Variants in DYNC1LI1 observed in about 807,000 individuals in gnomAD.
DYNC1LI1 encodes cytoplasmic dynein 1 light intermediate chain 1.
Under a neutral mutation model 63.8 loss-of-function variants are expected in DYNC1LI1, and 19 were observed. That is an observed-to-expected ratio of 0.30 (90% confidence interval 0.21 to 0.44). DYNC1LI1 has a LOEUF of 0.44. DYNC1LI1 is among the 20% of genes least tolerant of loss of function. DYNC1LI1 has a pLI of 1.00. For missense variants in DYNC1LI1, 565 were observed against 630.2 expected, an observed-to-expected ratio of 0.90 and a Z score of 1.11; for synonymous variants, 225 against 232.3, an observed-to-expected ratio of 0.97 and a Z score of 0.28.
intron 2 of DYNC1LI1, among the ~76,000 whole-genome samples, chr3:32,555,182 A>C (rs1428650093): frequency 6.6e-6 from 1 of 152,196 alleles, no homozygotes; most frequent in African/African-American, 2.4e-5. Context: ...GTAATTGAAA[A>C]TTGAACATTC....
chr3:32,549,009 T>C (rs918824175), intron 2 of DYNC1LI1, among the ~76,000 whole-genome samples: 2 of 152,216 alleles, frequency 1.3e-5, no homozygotes, highest in South Asian at 2.1e-4. Flanking sequence ...ATAATGATCA[T>C]GTTTAAAATG....
chr3:32,533,047 A>G lies in DYNC1LI1; in HGVS notation c.1019T>C (p.Phe340Ser). Residue 340 changes from phenylalanine to serine, a missense_variant, in exon 8 of 13, where the codon TTT becomes TCT. Physicochemically the swap from Phe to Ser is radical, Grantham distance 155. Transcript: ENST00000273130. ...DKKIGILHENFQTLKAEDNFE... is the reference protein window; with the variant it reads ...DKKIGILHENSQTLKAEDNFE... ...ATTATCTTCTGCTTTTAATGTTTGAAAATTTTCATGTAATATTCCTATTTT... is the reference window on the plus strand; with the variant it reads ...ATTATCTTCTGCTTTTAATGTTTGAGAATTTTCATGTAATATTCCTATTTT... 6.2e-7 allele frequency: 1 copy of G among 1,604,584 alleles called. No homozygotes were observed. The highest frequency in any genetic ancestry group is 8.5e-7 in the Non-Finnish European group (1 of 1,177,994).
At chr3:32,563,219 C>G (rs1462690664) in intron 2 of DYNC1LI1, among the ~76,000 whole-genome samples, 1 of 151,020 alleles carries the variant, frequency 6.6e-6, no homozygotes, top group African/African-American at 2.4e-5. Flanking sequence ...TGGGGTCTTT[C>G]TAATAGCCAC....
chr3:32,569,662 A>C (rs1223773506), intron 2 of DYNC1LI1, among the ~76,000 whole-genome samples: 1 of 152,106 alleles, frequency 6.6e-6, no homozygotes, highest in Non-Finnish European at 1.5e-5. Context: ...CCCCACCCCC[A>C]GAGTCACTAA....
At chr3:32,537,872 CAT>C (rs72436673) in intron 5 of DYNC1LI1, among the ~76,000 whole-genome samples, 2,146 of 86,824 alleles carry the variant, frequency 0.025, 220 homozygotes, top group African/African-American at 0.078. Flanking sequence ...TTTTTTGTTA[CAT>C]ATATATATAT....
chr3:32,569,979 G>A (rs771571536), intron 2 of DYNC1LI1, among the ~76,000 whole-genome samples: 2 of 152,222 alleles, frequency 1.3e-5, no homozygotes, highest in African/African-American at 4.8e-5. Flanking sequence ...TGCAGCTCTC[G>A]CAAAGAGCCT....
chr3:32,550,261 G>A (rs911125563), intron 2 of DYNC1LI1, among the ~76,000 whole-genome samples: 3 of 152,032 alleles, frequency 2.0e-5, no homozygotes, highest in African/African-American at 7.3e-5. Context: ...GAGAAACCCC[G>A]TCTCTACTAA....
At chr3:32,538,845 C>T (rs574497245) in intron 5 of DYNC1LI1, among the ~76,000 whole-genome samples, 54 of 152,228 alleles carry the variant, frequency 3.5e-4, no homozygotes, top group African/African-American at 1.3e-3. Context: ...ATACTTCTCT[C>T]CCTTTGGAAA....
At chr3:32,559,990 C>A (rs960215264) in intron 2 of DYNC1LI1, among the ~76,000 whole-genome samples, 1 of 152,142 alleles carries the variant, frequency 6.6e-6, no homozygotes, top group Non-Finnish European at 1.5e-5. Context: ...CTTCCTCCCT[C>A]ACATTGGTAG....
Position 32,526,603 on chromosome 3 carries a change from T to TA in DYNC1LI1, c.*195dup. 2.2e-6 allele frequency: 1 copy of TA among 447,926 alleles called. No individual in the cohort carries two copies. Among genetic ancestry groups the TA allele is most frequent in the Non-Finnish European group, 4.1e-6 (1 of 246,392 alleles). 27.7% of individuals were successfully genotyped at this position (447,926 alleles called of 1,614,324 possible). A position where few individuals can be genotyped will look rare whatever the true frequency, so the allele number is the denominator to read the frequency against. On this transcript the variant is annotated 3_prime_UTR_variant, in exon 13 of 13. Coordinates refer to ENST00000273130, the MANE Select transcript of DYNC1LI1 (RefSeq NM_016141.4). The stretch of plus-strand genomic sequence containing the variant: ...TGGCAATGCAAACAGCAATCCTACA[T>TA]AATGTAGAATAATTTTTCTTCTGTA...
intron 2 of DYNC1LI1, among the ~76,000 whole-genome samples, chr3:32,548,751 T>C (rs1697993121): frequency 6.6e-6 from 1 of 152,156 alleles, no homozygotes. Context: ...TTAAGTGTTC[T>C]CACAACAATG....
At chr3:32,537,926 A>AATTT (rs1697801818) in intron 5 of DYNC1LI1, among the ~76,000 whole-genome samples, 3 of 24,854 alleles carry the variant, frequency 1.2e-4, no homozygotes, top group African/African-American at 5.6e-4. Context: ...TTATATATAT[A>AATTT]ATATATATAT....
chr3:32,530,183 A>G, intron 10 of DYNC1LI1, 101 bp downstream of exon 10: 1 of 956,838 alleles, frequency 1.0e-6, no homozygotes, highest in East Asian at 2.7e-5. Flanking sequence ...TCAAGTTTAT[A>G]TCAAAGCACA....
At chr3:32,560,422 G>C (rs1001418978) in intron 2 of DYNC1LI1, among the ~76,000 whole-genome samples, 2 of 151,952 alleles carry the variant, frequency 1.3e-5, no homozygotes, top group African/African-American at 4.8e-5. Flanking sequence ...AACACAGTAA[G>C]ACTCTGTCTC....
rs575920824 is a variant in DYNC1LI1, at chr3:32,540,383, A to G, written c.738+654T>C. On this transcript the variant is annotated intron_variant, in intron 5 of 12. Coordinates refer to ENST00000273130, the MANE Select transcript of DYNC1LI1 (RefSeq NM_016141.4). ...ATCCTCTGATATTAGAGAATATATA[A>G]AAATTTAATGTTGAGGCTGGGCACA... 4.6e-5 allele frequency among the ~76,000 whole-genome samples: 7 copies of G among 152,166 alleles called. No homozygotes were observed. The South Asian group carries it at 1.5e-3, about 32-fold the overall frequency.
At chr3:32,559,415 TTTTTTGTAG>T (rs1242954957) in intron 2 of DYNC1LI1, among the ~76,000 whole-genome samples, 1 of 152,118 alleles carries the variant, frequency 6.6e-6, no homozygotes, top group Admixed American at 6.6e-5. Flanking sequence ...GATTTTTGTA[TTTTTTGTAG>T]AGCAAGATTT....
chr3:32,548,130 T>C (rs1697982701), intron 2 of DYNC1LI1, among the ~76,000 whole-genome samples: 1 of 151,952 alleles, frequency 6.6e-6, no homozygotes, highest in Admixed American at 6.6e-5. Context: ...TTATGTTAAA[T>C]CAGGGGTCCC....
intron 6 of DYNC1LI1, 61 bp from the exon 7 acceptor site, chr3:32,534,707 CTG>C (rs1697751732): frequency 3.0e-6 from 4 of 1,344,802 alleles, no homozygotes; most frequent in South Asian, 3.5e-5. Context: ...CCATAAAATT[CTG>C]TGTTTTCAGC....
At chr3:32,540,166 A>G (rs56158741) in intron 5 of DYNC1LI1, among the ~76,000 whole-genome samples, 24,477 of 151,658 alleles carry the variant, frequency 0.16, 2,299 homozygotes, top group African/African-American at 0.26. Context: ...ACCATGCCTC[A>G]CCTTCTATTA....
Sources: allele counts gnomAD v4.1 joint callset (sites outside exome capture counted in the v4.1 genomes callset), GRCh38; gene constraint gnomAD v4.1.1; transcripts MANE v1.5; gene names NCBI Gene and HGNC (gene_info 2026-07-23, HGNC 2026-07-21).